The following PYY variants were observed in gnomAD, a reference collection of about 807,000 sequenced individuals.
PYY encodes the protein peptide tyrosine tyrosine.
Under a neutral mutation model 10.3 loss-of-function variants are expected in PYY, and 12 were observed. That is an observed-to-expected ratio of 1.17 (90% confidence interval 0.75 to 1.89). PYY has a LOEUF of 1.89. Ranked by LOEUF, PYY falls within the 40% of genes most tolerant of loss-of-function variation. The pLI is 0.00. For synonymous variants in PYY, 66 were observed against 62.0 expected (o/e 1.06, Z -0.30); for missense variants, 141 against 134.0 (o/e 1.05, Z -0.26).
chr17:43,994,656 G>A (rs1484705896), intron 1 of PYY, among the ~76,000 whole-genome samples: 1 of 152,110 alleles, frequency 6.6e-6, no homozygotes, highest in Non-Finnish European at 1.5e-5. Context: ...CCCCTCCTCC[G>A]TGGCTCAGCC....
At chr17:43,997,338 C>A (rs1037722571) in intron 1 of PYY, among the ~76,000 whole-genome samples, 1 of 152,126 alleles carries the variant, frequency 6.6e-6, no homozygotes, top group Non-Finnish European at 1.5e-5. Flanking sequence ...TGCGCCTGGC[C>A]GGGTGTTCCA....
chr17:43,972,653 C>G (rs1277630095), intron 1 of PYY, among the ~76,000 whole-genome samples: 2 of 152,146 alleles, frequency 1.3e-5, no homozygotes, highest in Non-Finnish European at 2.9e-5. Context: ...CTCAGCCTTC[C>G]TAGTTGCTAG....
chr17:43,976,244 TAC>T lies in PYY; in HGVS notation c.-462-9714_-462-9713del, dbSNP rs1302283449. Among the ~76,000 whole-genome samples, 16 of 109,768 alleles carry T rather than the reference TAC, an allele frequency of 1.5e-4. 1 individual carries two copies. The highest frequency in any genetic ancestry group is 2.8e-4 in the South Asian group (1 of 3,624). 72.0% of individuals were successfully genotyped at this position (109,768 alleles called of 152,430 possible). On this transcript the variant is annotated intron_variant, in intron 1 of 6. Transcript: ENST00000360085. The stretch of plus-strand genomic sequence containing the variant: ...ATACATATATACATATGCGTATATA[TAC>T]ACATATGTATACATGTATACATGTA...
chr17:44,003,447 G>A (rs2049044428), intron 1 of PYY, among the ~76,000 whole-genome samples: 1 of 150,638 alleles, frequency 6.6e-6, no homozygotes, highest in African/African-American at 2.4e-5. Flanking sequence ...ACGAGGTCAG[G>A]AGTTTGAGAC....
chr17:44,002,603 C>G (rs1281428200), intron 1 of PYY, among the ~76,000 whole-genome samples: 1 of 152,236 alleles, frequency 6.6e-6, no homozygotes, highest in African/African-American at 2.4e-5. Flanking sequence ...AACATTGAAT[C>G]ATATCCTGTG....
At chr17:43,977,428 G>A (rs1250736050) in intron 1 of PYY, among the ~76,000 whole-genome samples, 1 of 151,982 alleles carries the variant, frequency 6.6e-6, no homozygotes, top group Non-Finnish European at 1.5e-5. Context: ...GAGTTCCAGG[G>A]GCCACTCCTG....
chr17:44,001,205 A>G (rs1349012604), intron 1 of PYY, among the ~76,000 whole-genome samples: 2 of 152,106 alleles, frequency 1.3e-5, no homozygotes, highest in African/African-American at 4.8e-5. Context: ...AGATGCGGCC[A>G]AGAAGGGCTG....
At chr17:43,965,452 G>C (rs1407886195) in intron 2 of PYY, among the ~76,000 whole-genome samples, 2 of 147,248 alleles carry the variant, frequency 1.4e-5, no homozygotes, top group African/African-American at 2.5e-5. Context: ...TTGCACTCCA[G>C]CCTGGGCGAC....
At chr17:43,992,732 C>G (rs1003119483) in intron 1 of PYY, among the ~76,000 whole-genome samples, 1 of 151,972 alleles carries the variant, frequency 6.6e-6, no homozygotes. Flanking sequence ...ATTAAAAATA[C>G]AAAATTAGTC....
intron 1 of PYY, among the ~76,000 whole-genome samples, chr17:43,979,262 A>G (rs1388941849): frequency 1.3e-5 from 2 of 152,196 alleles, no homozygotes; most frequent in Non-Finnish European, 2.9e-5. Flanking sequence ...AGCCCTGGGC[A>G]TGGGCCCCAG....
At chr17:43,963,067 C>T (rs1285194510) in intron 2 of PYY, among the ~76,000 whole-genome samples, 10 of 152,108 alleles carry the variant, frequency 6.6e-5, no homozygotes, top group South Asian at 2.1e-4. Flanking sequence ...TTTCACATTA[C>T]GTGAAAACAA....
intron 1 of PYY, among the ~76,000 whole-genome samples, chr17:43,990,208 C>T (rs1303195055): frequency 5.3e-5 from 8 of 151,642 alleles, no homozygotes; most frequent in South Asian, 2.1e-4. Flanking sequence ...GAGGCTGAGG[C>T]GGGCAGATCA....
exon 1 of PYY, chr17:44,004,393 T>C (rs1328628460): frequency 2.9e-6 from 1 of 343,332 alleles, no homozygotes; most frequent in Non-Finnish European, 5.2e-6. Flanking sequence ...GAACCTACCT[T>C]GGCAGCAGAT....
At chr17:43,954,295 C>T (rs1050733693), upstream of PYY, among the ~76,000 whole-genome samples, 3 of 151,940 alleles carry the variant, frequency 2.0e-5, no homozygotes, top group Admixed American at 2.0e-4. Context: ...CTAGCCTGTC[C>T]GTGGATGGGA....
intron 1 of PYY, among the ~76,000 whole-genome samples, chr17:43,974,355 T>C (rs900680915): frequency 2.6e-5 from 4 of 151,708 alleles, no homozygotes; most frequent in Non-Finnish European, 4.4e-5. Flanking sequence ...GGGCAGGCAG[T>C]GGGGGATGGT....
chr17:43,965,929 A>T lies in PYY; in HGVS notation c.-218+359T>A, dbSNP rs982762849. Among the ~76,000 whole-genome samples, 3 of 151,964 alleles carry T rather than the reference A, an allele frequency of 2.0e-5. No homozygotes were observed. The East Asian group carries it at 5.8e-4, about 29-fold the overall frequency. ...TGCCTATTTACATTGGTGCTCCCCAAGATGAGATGCTTGGCTCTCTTTTCT... is the reference window on the plus strand; with the variant it reads ...TGCCTATTTACATTGGTGCTCCCCATGATGAGATGCTTGGCTCTCTTTTCT... On this transcript the variant is annotated intron_variant, in intron 2 of 6. Coordinates refer to the PYY transcript ENST00000360085.
At position 43,987,873 on chromosome 17, in the gene PYY, A is replaced by G. The variant is rs2143948247; in HGVS notation, c.-463+16518T>C. Among the ~76,000 whole-genome samples, 1 of 152,326 alleles carries G rather than the reference A, an allele frequency of 6.6e-6. No individual in the cohort carries two copies. Among genetic ancestry groups the G allele is most frequent in the Admixed American group, 6.5e-5 (1 of 15,296 alleles). ...GGGAGGAAGGGGGCAAGGATGGAGA[A>G]CGAGTGCTTCGGTAGCAGGGAGGGG... On this transcript the variant is annotated intron_variant, in intron 1 of 6. Transcript: ENST00000360085. The surrounding 1 kb of genome is among the most constrained non-coding windows in gnomAD (Gnocchi z 4.0).
At chr17:43,967,400 C>T (rs2048762013) in intron 1 of PYY, among the ~76,000 whole-genome samples, 1 of 152,168 alleles carries the variant, frequency 6.6e-6, no homozygotes, top group African/African-American at 2.4e-5. Context: ...AGGGCCTGTC[C>T]ACAGCAGGCG....
intron 1 of PYY, among the ~76,000 whole-genome samples, chr17:43,983,263 A>G (rs62080325): frequency 0.29 from 44,579 of 151,916 alleles, 6,992 homozygotes; most frequent in Non-Finnish European, 0.33. Flanking sequence ...AACAACAACA[A>G]CAACAAAAAC....
Sources: allele counts gnomAD v4.1 joint callset (sites outside exome capture counted in the v4.1 genomes callset), GRCh38; gene constraint gnomAD v4.1.1; non-coding constraint Gnocchi (gnomAD v3.1); transcripts MANE v1.5; gene names NCBI Gene and HGNC (gene_info 2026-07-23, HGNC 2026-07-21).